RTTN: variants seen among roughly 807,000 people sequenced by gnomAD.
The protein encoded by RTTN is rotatin.
In RTTN, 182 loss-of-function variants were observed where a neutral mutation model predicts 269.2. The observed-to-expected ratio is 0.68, with a 90% CI of 0.60 to 0.76. The LOEUF is 0.76. Among genes scored for constraint, RTTN ranks in the 30% least tolerant of loss-of-function variants. RTTN has a pLI of 0.00. For missense variants in RTTN, 2,545 were observed against 2,608.6 expected (o/e 0.98, Z 0.53); for synonymous variants, 1,006 against 963.5 (o/e 1.04, Z -0.82).
At chr18:70,082,137 A>G (rs1292305494) in intron 32 of RTTN, among the ~76,000 whole-genome samples, 1 of 152,194 alleles carries the variant, frequency 6.6e-6, no homozygotes, top group African/African-American at 2.4e-5. Flanking sequence ...AAGCAACTAG[A>G]GCATGAACAA....
At chr18:70,009,378 C>T (rs1003488208) in intron 46 of RTTN, among the ~76,000 whole-genome samples, 6 of 152,194 alleles carry the variant, frequency 3.9e-5, no homozygotes, top group African/African-American at 7.2e-5. Flanking sequence ...TCTCATGGTC[C>T]GCCCACCTTG....
chr18:70,053,090 C>T (rs2057720865), intron 38 of RTTN, among the ~76,000 whole-genome samples: 1 of 152,156 alleles, frequency 6.6e-6, no homozygotes, highest in South Asian at 2.1e-4. Flanking sequence ...ACCAAAGGTC[C>T]TCCAGCTGCT....
At chr18:70,013,311 CTAAG>C (rs1444221620) in intron 46 of RTTN, among the ~76,000 whole-genome samples, 3 of 144,368 alleles carry the variant, frequency 2.1e-5, no homozygotes, top group Non-Finnish European at 4.4e-5. Context: ...CTCCTCTGAT[CTAAG>C]TAAGTTTATA....
At chr18:70,094,167 C>T (rs1287872831) in intron 28 of RTTN, among the ~76,000 whole-genome samples, 1 of 152,088 alleles carries the variant, frequency 6.6e-6, no homozygotes, top group African/African-American at 2.4e-5. Flanking sequence ...TTTATTGTGT[C>T]TATTTGATTC....
intron 28 of RTTN, among the ~76,000 whole-genome samples, chr18:70,102,405 T>C (rs1387111944): frequency 2.6e-5 from 4 of 152,176 alleles, no homozygotes; most frequent in African/African-American, 4.8e-5. Flanking sequence ...CCTGCCTTTT[T>C]TTGTTTTCCA....
At chr18:70,017,154 C>T (rs929466632) in intron 46 of RTTN, among the ~76,000 whole-genome samples, 1 of 152,038 alleles carries the variant, frequency 6.6e-6, no homozygotes, top group African/African-American at 2.4e-5. Flanking sequence ...AGGGAGCCCT[C>T]GTCCACGGCT....
At chr18:70,096,856 G>A (rs553876586) in intron 28 of RTTN, among the ~76,000 whole-genome samples, 25 of 152,286 alleles carry the variant, frequency 1.6e-4, no homozygotes, top group African/African-American at 4.6e-4. Context: ...CTTCAGAGCC[G>A]GCAGGCAAGA....
chr18:70,161,898 T>C (rs1373905921), intron 14 of RTTN, among the ~76,000 whole-genome samples: 1 of 152,182 alleles, frequency 6.6e-6, no homozygotes, highest in Non-Finnish European at 1.5e-5. Context: ...ATAAGCCCTA[T>C]ACACTGCTTG....
intron 43 of RTTN, 73 bp downstream of exon 43, chr18:70,028,651 A>G: frequency 2.4e-6 from 2 of 834,552 alleles, no homozygotes; most frequent in Non-Finnish European, 3.8e-6. Flanking sequence ...TTCCTACTAC[A>G]TTATCTCACA....
intron 7 of RTTN, among the ~76,000 whole-genome samples, chr18:70,193,882 A>G (rs1405288555): frequency 6.6e-6 from 1 of 152,236 alleles, no homozygotes; most frequent in African/African-American, 2.4e-5. Context: ...TTGGCAATCG[A>G]TTGTTAACTA....
chr18:70,168,453 GAACT>G (rs1479849263), intron 12 of RTTN, among the ~76,000 whole-genome samples: 2 of 152,166 alleles, frequency 1.3e-5, no homozygotes, highest in Non-Finnish European at 2.9e-5. Context: ...ATATATGTAA[GAACT>G]ATCTATAAAA....
chr18:70,052,641 C>CA (rs749227112), intron 38 of RTTN, among the ~76,000 whole-genome samples: 2,851 of 40,198 alleles, frequency 0.071, 50 homozygotes, highest in Non-Finnish European at 0.25. Context: ...AATTTATTTA[C>CA]TTATATATAT....
At position 70,199,496 on chromosome 18, in the gene RTTN, T is replaced by A; in HGVS notation, c.496A>T (p.Thr166Ser). The change falls in exon 5 of 49, where the codon ACT (threonine) becomes TCT (serine). Residue 166 changes from threonine to serine, a missense_variant. Transcript: ENST00000640769. ...EVPPRPVVNQTVKCLKFSTFP... is the reference protein window; with the variant it reads ...EVPPRPVVNQSVKCLKFSTFP... ...GTAGAAAACTTCAAGCACTTCACAGTCTGATTTACTGTCAGTGAAAGAGCA... is the reference window on the plus strand; with the variant it reads ...GTAGAAAACTTCAAGCACTTCACAGACTGATTTACTGTCAGTGAAAGAGCA... The A allele has an allele frequency of 6.2e-7, 1 of 1,608,732 alleles. No homozygotes were observed. Among genetic ancestry groups the A allele is most frequent in the Non-Finnish European group, 8.5e-7 (1 of 1,175,436 alleles).
At chr18:70,091,419 T>TA (rs879269139) in intron 30 of RTTN, 31 of 142,566 alleles carry the variant, frequency 2.2e-4, no homozygotes, top group East Asian at 4.0e-4. Flanking sequence ...AACATTATAA[T>TA]AAAAAAAAAA....
intron 10 of RTTN, among the ~76,000 whole-genome samples, chr18:70,181,071 T>C (rs1026894090): frequency 6.6e-6 from 1 of 152,196 alleles, no homozygotes; most frequent in Non-Finnish European, 1.5e-5. Flanking sequence ...CAAATATCCT[T>C]AATGAGCCCT....
intron 28 of RTTN, among the ~76,000 whole-genome samples, chr18:70,100,564 C>G (rs533274660): frequency 6.6e-6 from 1 of 152,070 alleles, no homozygotes; most frequent in East Asian, 1.9e-4. Flanking sequence ...ACTGAATACC[C>G]TTTCTTTCTT....
rs1293477386 is a variant in RTTN at position 70,006,473 on chromosome 18, TA to T, written c.6432del (p.Thr2145LeufsTer25). The T allele has an allele frequency of 6.2e-7, 1 of 1,613,378 alleles. No individual in the cohort carries two copies. The highest frequency in any genetic ancestry group is 8.5e-7 in the Non-Finnish European group (1 of 1,179,312). On this transcript the variant is annotated frameshift_variant, in exon 47 of 49. Coordinates refer to ENST00000640769, the MANE Select transcript of RTTN (RefSeq NM_173630.4). LOFTEE classifies it high-confidence loss of function. ...KPKILANEKV[I>X]TVLAACLESE... ...CTTTCCAGACAGGCAGCAAGCACAG[TA>T]ATGACTTTTTCTAAAAATGAACATA...
intron 23 of RTTN, chr18:70,131,286 G>A (rs1189722646): frequency 6.6e-6 from 1 of 150,920 alleles, no homozygotes; most frequent in Non-Finnish European, 1.5e-5. Context: ...AACGACCACG[G>A]TATACAAATC....
chr18:70,079,140 A>C (rs1021476667), intron 32 of RTTN, among the ~76,000 whole-genome samples: 1 of 152,074 alleles, frequency 6.6e-6, no homozygotes, highest in African/African-American at 2.4e-5. Context: ...ATCAGAGGTA[A>C]AACTGTCTCA....
Sources: gnomAD v4.1 joint callset for allele counts (sites outside exome capture counted in the v4.1 genomes callset) on GRCh38, gnomAD v4.1.1 for gene constraint, MANE v1.5 for transcripts, NCBI Gene and HGNC (gene_info 2026-07-23, HGNC 2026-07-21) for gene names.